The following NTN1 variants were observed in gnomAD, a reference collection of about 807,000 sequenced individuals.
NTN1 encodes the protein netrin 1.
NTN1 carries 11 observed loss-of-function variants against 54.2 expected under a neutral mutation model. That is an observed-to-expected ratio of 0.20 (90% CI 0.13 to 0.34). The LOEUF (loss-of-function observed/expected upper bound fraction) is 0.34. Among genes scored for constraint, NTN1 ranks in the 10% least tolerant of loss-of-function variants. The pLI, the probability that NTN1 is intolerant of heterozygous loss-of-function variation, is 1.00. For synonymous variants in NTN1, 371 were observed against 382.0 expected, an observed-to-expected ratio of 0.97 and a Z score of 0.33; for missense variants, 740 against 893.1, an observed-to-expected ratio of 0.83 and a Z score of 2.18.
intron 5 of NTN1, among the ~76,000 whole-genome samples, chr17:9,213,081 T>C (rs1353516297): frequency 6.6e-6 from 1 of 152,152 alleles, no homozygotes; most frequent in African/African-American, 2.4e-5. Context: ...CTCTTGGCTC[T>C]TGGCTGTGGG....
At chr17:9,185,204 A>G (rs2092429702) in intron 5 of NTN1, among the ~76,000 whole-genome samples, 1 of 152,086 alleles carries the variant, frequency 6.6e-6, no homozygotes, top group Non-Finnish European at 1.5e-5. Flanking sequence ...TCTCTGGGAC[A>G]CAAGTGCTGG....
Position 9,179,948 on chromosome 17 carries a change from C to T in NTN1, c.1349C>T (p.Pro450Leu), listed in dbSNP as rs1190617393. 1 of 1,612,948 alleles carries T rather than the reference C, an allele frequency of 6.2e-7. No homozygotes were observed. Among genetic ancestry groups the T allele is most frequent in the Admixed American group, 1.7e-5 (1 of 59,892 alleles). The change falls in exon 4 of 7, where the codon CCC becomes CTC. Residue 450 changes from proline (P) to leucine (L), a missense_variant. Pro to Leu is a moderately conservative substitution (Grantham distance 98, BLOSUM62 -3). Coordinates refer to ENST00000173229, the MANE Select transcript of NTN1 (RefSeq NM_004822.3). The part of the protein sequence containing the change: ...GYQQSRSPIA[P>L]CIKIPVAPPT... ...CAGCAGAGCCGCTCTCCCATCGCCCCCTGCATAAGTATGTGTGGGGCACCC... is the reference window on the plus strand; with the variant it reads ...CAGCAGAGCCGCTCTCCCATCGCCCTCTGCATAAGTATGTGTGGGGCACCC...
At chr17:9,152,863 C>T (rs532185128) in intron 2 of NTN1, among the ~76,000 whole-genome samples, 21 of 152,300 alleles carry the variant, frequency 1.4e-4, no homozygotes, top group Non-Finnish European at 2.6e-4. Flanking sequence ...CTGGGGGAGT[C>T]GCGGAGCCGG....
chr17:9,033,763 CA>C (rs1308836382), intron 2 of NTN1, among the ~76,000 whole-genome samples: 5 of 151,854 alleles, frequency 3.3e-5, no homozygotes, highest in Non-Finnish European at 5.9e-5. Flanking sequence ...ACTAAAAATA[CA>C]AAATTAGCCG....
chr17:9,096,556 A>G (rs1489015968), intron 2 of NTN1, among the ~76,000 whole-genome samples: 2 of 151,934 alleles, frequency 1.3e-5, no homozygotes, highest in Non-Finnish European at 2.9e-5. Flanking sequence ...TATTTTTAGT[A>G]GAGACGGGGT....
chr17:9,085,582 A>G (rs1003563441), intron 2 of NTN1, among the ~76,000 whole-genome samples: 1 of 152,208 alleles, frequency 6.6e-6, no homozygotes, highest in Non-Finnish European at 1.5e-5. Context: ...TCTTGCATCT[A>G]CAGATCAACG....
chr17:9,234,270 T>G (rs930889243), intron 6 of NTN1, among the ~76,000 whole-genome samples: 1 of 152,138 alleles, frequency 6.6e-6, no homozygotes, highest in South Asian at 2.1e-4. Context: ...AACCCCAGAA[T>G]TGCTGAGAGG....
At chr17:9,024,722 C>T (rs2091864457) in intron 2 of NTN1, among the ~76,000 whole-genome samples, 1 of 152,242 alleles carries the variant, frequency 6.6e-6, no homozygotes, top group Admixed American at 6.5e-5. Context: ...GCCGGGCCTC[C>T]CGCCTCCTGT....
chr17:9,188,978 T>C (rs967169562), intron 5 of NTN1, among the ~76,000 whole-genome samples: 2 of 152,170 alleles, frequency 1.3e-5, no homozygotes, highest in African/African-American at 4.8e-5. Flanking sequence ...AGCCATTAGA[T>C]AAATGACCAG....
chr17:9,131,881 G>A (rs2092266620), intron 2 of NTN1, among the ~76,000 whole-genome samples: 1 of 151,844 alleles, frequency 6.6e-6, no homozygotes, highest in East Asian at 1.9e-4. Context: ...TCGACTCACT[G>A]CAACCTCTGC....
intron 2 of NTN1, among the ~76,000 whole-genome samples, chr17:9,113,373 G>A (rs1339307843): frequency 6.6e-6 from 1 of 152,020 alleles, no homozygotes; most frequent in African/African-American, 2.4e-5. Flanking sequence ...GGTACATACT[G>A]ACCAGTTTGC....
At chr17:9,106,531 T>TCCTTCCTTCCTTCC (rs2092167538) in intron 2 of NTN1, among the ~76,000 whole-genome samples, 1 of 140,644 alleles carries the variant, frequency 7.1e-6, no homozygotes, top group Non-Finnish European at 1.5e-5. Flanking sequence ...CTTCCTTCCT[T>TCCTTCCTTCCTTCC]TCGACAGAGT....
At chr17:9,220,284 A>G (rs1038359734) in intron 5 of NTN1, among the ~76,000 whole-genome samples, 1 of 152,208 alleles carries the variant, frequency 6.6e-6, no homozygotes, top group African/African-American at 2.4e-5. Context: ...ATTGAATGAG[A>G]TCCTGCCTGC....
At chr17:9,226,364 G>A (rs1165154960) in intron 6 of NTN1, among the ~76,000 whole-genome samples, 1 of 152,040 alleles carries the variant, frequency 6.6e-6, no homozygotes, top group African/African-American at 2.4e-5. Context: ...TGAGACCCTG[G>A]CTGTGCCCCC....
intron 2 of NTN1, among the ~76,000 whole-genome samples, chr17:9,111,458 T>C (rs1392634207): frequency 6.6e-6 from 1 of 151,978 alleles, no homozygotes; most frequent in Non-Finnish European, 1.5e-5. Flanking sequence ...GAAGGGGGTG[T>C]CAAGGAAGAA....
chr17:9,098,844 T>G (rs1276093501), intron 2 of NTN1, among the ~76,000 whole-genome samples: 1 of 152,060 alleles, frequency 6.6e-6, no homozygotes, highest in Non-Finnish European at 1.5e-5. Flanking sequence ...TCTTTCTGAC[T>G]CCAAAAACAA....
At chr17:9,120,603 C>G (rs922274184) in intron 2 of NTN1, among the ~76,000 whole-genome samples, 1 of 152,218 alleles carries the variant, frequency 6.6e-6, no homozygotes, top group Non-Finnish European at 1.5e-5. Context: ...CTGCCTACAT[C>G]TGGCTGCCTT....
intron 2 of NTN1, among the ~76,000 whole-genome samples, chr17:9,145,762 C>T (rs546257413): frequency 2.6e-4 from 40 of 152,010 alleles, no homozygotes; most frequent in Admixed American, 1.6e-3. Flanking sequence ...ACTGAAAATA[C>T]AAAAAATTAG....
intron 3 of NTN1, chr17:9,171,366 G>T (rs1173111967): frequency 6.6e-6 from 1 of 152,222 alleles, no homozygotes; most frequent in Non-Finnish European, 1.5e-5. Flanking sequence ...CACCAGGAAA[G>T]GACGGCAGAT....
Sources: allele counts gnomAD v4.1 joint callset (sites outside exome capture counted in the v4.1 genomes callset), GRCh38; gene constraint gnomAD v4.1.1; transcripts MANE v1.5; gene names NCBI Gene and HGNC (gene_info 2026-07-23, HGNC 2026-07-21).